Variants in NAA35 observed in about 807,000 individuals in gnomAD.
NAA35 encodes the protein MAK10 homolog, amino-acid N-acetyltransferase subunit.
In NAA35, 18 loss-of-function variants were observed where a neutral mutation model predicts 101.7. The ratio of observed to expected loss-of-function variants is 0.18; its 90% CI spans 0.12 to 0.26. The LOEUF (loss-of-function observed/expected upper bound fraction) is 0.26. NAA35 is among the 10% of genes least tolerant of loss of function. NAA35 has a pLI of 1.00. For missense variants in NAA35, 601 were observed against 886.8 expected, an observed-to-expected ratio of 0.68 and a Z score of 4.09; for synonymous variants, 267 against 273.1, an observed-to-expected ratio of 0.98 and a Z score of 0.22.
rs1828544075 is a variant in NAA35 at position 85,942,084 on chromosome 9, A to G, written c.-5-71A>G. On this transcript the variant is annotated intron_variant, in intron 1 of 22. Transcript: ENST00000361671. ...AAGACTTCATCCTATGCTGAAACAAACACCCATTTCTGCAAATACTCTTGC... is the reference window on the plus strand; with the variant it reads ...AAGACTTCATCCTATGCTGAAACAAGCACCCATTTCTGCAAATACTCTTGC... 16 of 1,560,376 alleles carry G rather than the reference A, an allele frequency of 1.0e-5. 1 individual carries two copies. In the South Asian group the frequency reaches 1.8e-4, roughly 18 times the overall value.
At position 86,003,229 on chromosome 9, in the gene NAA35, G is replaced by T. The variant is rs534056406; in HGVS notation, c.1057-356G>T. ...TATAGTCAGCAACAATCAGTAATGT[G>T]CATCCAGTTGACTTGATTACTTGGA... On this transcript the variant is annotated intron_variant, in intron 12 of 22. Coordinates refer to ENST00000361671, the MANE Select transcript of NAA35 (RefSeq NM_024635.4). 1.3e-3 allele frequency among the ~76,000 whole-genome samples: 191 copies of T among 152,272 alleles called. 2 individuals carry two copies. The highest frequency in any genetic ancestry group is 4.8e-3 in the Admixed American group (73 of 15,300).
At chr9:85,976,401 A>G (rs1193816919) in intron 8 of NAA35, among the ~76,000 whole-genome samples, 1 of 152,174 alleles carries the variant, frequency 6.6e-6, no homozygotes, top group Middle Eastern at 3.2e-3. Flanking sequence ...AAAGGAAAAT[A>G]TACTATGTGC....
chr9:85,960,148 A>G (rs1829452110), intron 5 of NAA35, among the ~76,000 whole-genome samples: 1 of 152,190 alleles, frequency 6.6e-6, no homozygotes, highest in African/African-American at 2.4e-5. Flanking sequence ...TACTCAAGTG[A>G]TAAGTCTGTA....
chr9:85,952,862 G>GT (rs1829080639), intron 2 of NAA35, among the ~76,000 whole-genome samples: 1 of 152,114 alleles, frequency 6.6e-6, no homozygotes, highest in African/African-American at 2.4e-5. Flanking sequence ...CTTTATCAAG[G>GT]TTGTTTTTTT....
intron 11 of NAA35, among the ~76,000 whole-genome samples, chr9:85,980,840 C>G (rs542330806): frequency 2.0e-5 from 3 of 151,956 alleles, no homozygotes; most frequent in Non-Finnish European, 4.4e-5. Flanking sequence ...TTTTTTCGCC[C>G]CTCAACGACT....
intron 11 of NAA35, among the ~76,000 whole-genome samples, chr9:85,994,022 T>C (rs866755055): frequency 3.6e-4 from 54 of 151,920 alleles, no homozygotes; most frequent in African/African-American, 9.7e-4. Context: ...TTTAAAAATA[T>C]ATGCTAAACA....
intron 12 of NAA35, among the ~76,000 whole-genome samples, chr9:85,998,438 A>G (rs1831273307): frequency 6.6e-6 from 1 of 152,302 alleles, no homozygotes; most frequent in African/African-American, 2.4e-5. Flanking sequence ...TCAGTGTTAC[A>G]AACAATACTA....
intron 11 of NAA35, among the ~76,000 whole-genome samples, chr9:85,989,227 C>T (rs547631179): frequency 2.0e-5 from 3 of 152,016 alleles, no homozygotes; most frequent in East Asian, 3.9e-4. Context: ...AATCCCAGCA[C>T]TTTGGGAGGC....
rs138096781 is a variant in NAA35 at position 85,941,772 on chromosome 9, C to G, written c.-5-383C>G. The G allele has an allele frequency of 1.1e-3, 1,078 of 991,688 alleles. 8 individuals carry two copies. The African/African-American group carries it at 0.018, about 16-fold the overall frequency. 61.4% of individuals were successfully genotyped at this position (991,688 alleles called of 1,614,324 possible). On this transcript the variant is annotated intron_variant, in intron 1 of 22. Transcript: ENST00000361671. ...CCTTGATTGACTTCGGTAGCTGCCGCATGGGGTCCTGGGCTGCGAGAGGGG... is the reference window on the plus strand; with the variant it reads ...CCTTGATTGACTTCGGTAGCTGCCGGATGGGGTCCTGGGCTGCGAGAGGGG...
At position 85,958,536 on chromosome 9, in the gene NAA35, A is replaced by G. The variant is rs1809352380; in HGVS notation, c.223A>G (p.Ile75Val). 1 of 1,611,732 alleles carries G rather than the reference A, an allele frequency of 6.2e-7. No individual in the cohort carries two copies. The highest frequency in any genetic ancestry group is 8.5e-7 in the Non-Finnish European group (1 of 1,178,636). ...MMDPKMDAGM[I>V]GNQVNRKVLN... Reference sequence around the variant, plus strand: ...GGATCCCAAGATGGATGCTGGCATGATTGGAAACCAAGTTAATCGAAAAGT... The same window carrying G: ...GGATCCCAAGATGGATGCTGGCATGGTTGGAAACCAAGTTAATCGAAAAGT... Residue 75 changes from isoleucine (I) to valine (V), a missense_variant, in exon 4 of 23, where the codon ATT becomes GTT. This residue lies in a region of NAA35 where 42 missense variants were observed against 41.2 expected (regional missense o/e 1.02). Coordinates refer to ENST00000361671, the MANE Select transcript of NAA35 (RefSeq NM_024635.4).
chr9:85,956,389 A>G lies in NAA35; in HGVS notation c.154A>G (p.Lys52Glu). ...ELKLGELLHD[K>E]LFGLFEAMSA... ...AAAGTTGGGAGAACTACTTCATGATAAGCTGTAAGTATTTATCCTTTGAAA... is the reference window on the plus strand; with the variant it reads ...AAAGTTGGGAGAACTACTTCATGATGAGCTGTAAGTATTTATCCTTTGAAA... The change falls in exon 3 of 23, where the codon AAG becomes GAG. Residue 52 changes from lysine (K) to glutamate (E), a missense_variant. Transcript: ENST00000361671. 1 of 1,413,576 alleles carries G rather than the reference A, an allele frequency of 7.1e-7. No individual in the cohort carries two copies. The highest frequency in any genetic ancestry group is 9.6e-7 in the Non-Finnish European group (1 of 1,043,116). 87.6% of individuals were successfully genotyped at this position (1,413,576 alleles called of 1,614,324 possible).
chr9:86,005,786 A>G (rs1587649244), intron 13 of NAA35, among the ~76,000 whole-genome samples: 1 of 152,196 alleles, frequency 6.6e-6, no homozygotes, highest in Non-Finnish European at 1.5e-5. Flanking sequence ...GCAATATTCA[A>G]TATATTAAAT....
chr9:85,985,990 A>T (rs1261354573), intron 11 of NAA35, among the ~76,000 whole-genome samples: 1 of 152,240 alleles, frequency 6.6e-6, no homozygotes, highest in African/African-American at 2.4e-5. Context: ...ATGAGAATCC[A>T]TCATAAGAAA....
chr9:85,954,994 T>C (rs1829176253), intron 2 of NAA35, among the ~76,000 whole-genome samples: 1 of 152,066 alleles, frequency 6.6e-6, no homozygotes, highest in Admixed American at 6.6e-5. Flanking sequence ...CTCGGCTCAC[T>C]GCAACCTCTG....
intron 11 of NAA35, among the ~76,000 whole-genome samples, chr9:85,996,148 T>TC (rs1831146128): frequency 6.6e-6 from 1 of 152,128 alleles, no homozygotes; most frequent in East Asian, 1.9e-4. Flanking sequence ...ACATAGAAAC[T>TC]CCCCTCCATC....
rs1301711902 is a variant in NAA35 at position 85,983,712 on chromosome 9, T to G, written c.877+5331T>G. Among the ~76,000 whole-genome samples, 5 of 152,032 alleles carry G rather than the reference T, an allele frequency of 3.3e-5. No individual in the cohort carries two copies. In the East Asian group the frequency reaches 7.7e-4, roughly 24 times the overall value. The stretch of plus-strand genomic sequence containing the variant: ...GGATAGCATTCAGAGAGATACCTAA[T>G]GTAGATGATGGGTTGATGGCTCAGC... On this transcript the variant is annotated intron_variant, in intron 11 of 22. Transcript: ENST00000361671.
chr9:86,009,869 T>C lies in NAA35; in HGVS notation c.1228T>C (p.Tyr410His), dbSNP rs1189868314. 6.2e-7 allele frequency: 1 copy of C among 1,611,364 alleles called. No individual in the cohort carries two copies. ...GATGTGACTGTTATCTTGCAGGTGC[T>C]ACCTATATAATAATCACCAGGCTAA... Reference protein sequence around the residue: ...VSPPVLSPKCYLYNNHQAKDC... With the variant: ...VSPPVLSPKCHLYNNHQAKDC... The change falls in exon 15 of 23, where the codon TAC (tyrosine) becomes CAC (histidine). Residue 410 changes from tyrosine (Y) to histidine (H), a missense_variant. Coordinates refer to ENST00000361671, the MANE Select transcript of NAA35 (RefSeq NM_024635.4).
At chr9:86,012,583 T>C (rs1395875254) in intron 15 of NAA35, among the ~76,000 whole-genome samples, 2 of 152,344 alleles carry the variant, frequency 1.3e-5, no homozygotes, top group East Asian at 3.9e-4. Context: ...GTTAGTGGAA[T>C]GTTACATAGT....
intron 8 of NAA35, among the ~76,000 whole-genome samples, chr9:85,976,417 A>G (rs1460269541): frequency 1.3e-5 from 2 of 152,102 alleles, no homozygotes; most frequent in South Asian, 2.1e-4. Context: ...TGTGCCATAT[A>G]CTTCTGCTTA....
Sources: gnomAD v4.1 joint callset for allele counts (sites outside exome capture counted in the v4.1 genomes callset) on GRCh38, gnomAD v4.1.1 for gene constraint, gnomAD v4.1.1 regional missense constraint, MANE v1.5 for transcripts, NCBI Gene and HGNC (gene_info 2026-07-23, HGNC 2026-07-21) for gene names.